ERICH6B: variants seen among roughly 807,000 people sequenced by gnomAD.
ERICH6B encodes the protein glutamate rich 6B.
In ERICH6B, 69 loss-of-function variants were observed where a neutral mutation model predicts 80.0. The ratio of observed to expected loss-of-function variants is 0.86; its 90% confidence interval spans 0.71 to 1.05. The LOEUF (loss-of-function observed/expected upper bound fraction) is 1.05, where lower values mean the gene tolerates loss of function less well. ERICH6B is among the 50% of genes least tolerant of loss of function. The pLI, the probability that ERICH6B is intolerant of heterozygous loss-of-function variation, is 0.00. For missense variants in ERICH6B, 754 were observed against 796.1 expected (o/e 0.95, Z 0.64); for synonymous variants, 283 against 291.9 (o/e 0.97, Z 0.31).
chr13:45,572,073 C>T (rs1307553690), intron 8 of ERICH6B, among the ~76,000 whole-genome samples: 1 of 152,242 alleles, frequency 6.6e-6, no homozygotes, highest in Admixed American at 6.5e-5. Context: ...CAAGAGCTTT[C>T]TCCCAGGAGA....
intron 7 of ERICH6B, among the ~76,000 whole-genome samples, chr13:45,577,274 A>ACCTTTTTTTTTTTT (rs1566295865): frequency 1.8e-5 from 2 of 110,790 alleles, no homozygotes; most frequent in African/African-American, 8.0e-5. Context: ...TTAAAAACAA[A>ACCTTTTTTTTTTTT]TCTTTTTTTT....
chr13:45,561,268 T>G, intron 11 of ERICH6B, 101 bp downstream of exon 11: 1 of 1,194,334 alleles, frequency 8.4e-7, no homozygotes, highest in Non-Finnish European at 1.1e-6. Context: ...GTTTACATTG[T>G]GTGTTGTTCC....
At chr13:45,559,247 A>C (rs1874566490) in intron 11 of ERICH6B, among the ~76,000 whole-genome samples, 1 of 152,046 alleles carries the variant, frequency 6.6e-6, no homozygotes, top group African/African-American at 2.4e-5. Flanking sequence ...GTCAGTTGTA[A>C]TATCTCCCGT....
chr13:45,587,243 G>A lies in ERICH6B; in HGVS notation c.687-11C>T. ...CCAGCGTCTGGACTCCTGTCAGAGGGGAGAACAGGAAGGTCAACTTCCAGA... is the reference window on the plus strand; with the variant it reads ...CCAGCGTCTGGACTCCTGTCAGAGGAGAGAACAGGAAGGTCAACTTCCAGA... On this transcript the variant is annotated splice_polypyrimidine_tract_variant and intron_variant, in intron 4 of 14. Coordinates refer to ENST00000298738, the MANE Select transcript of ERICH6B (RefSeq NM_182542.3). The A allele has an allele frequency of 6.4e-7, 1 of 1,551,334 alleles. No homozygotes were observed.
intron 2 of ERICH6B, among the ~76,000 whole-genome samples, chr13:45,600,787 G>A (rs1942895812): frequency 6.6e-6 from 1 of 152,154 alleles, no homozygotes; most frequent in African/African-American, 2.4e-5. Flanking sequence ...TTGCTATTGT[G>A]AATACTGCTA....
intron 9 of ERICH6B, among the ~76,000 whole-genome samples, chr13:45,564,316 G>A (rs564658648): frequency 2.0e-5 from 3 of 152,332 alleles, no homozygotes; most frequent in African/African-American, 7.2e-5. Context: ...AACACACAGA[G>A]TGAGTCATCC....
At chr13:45,543,014 A>C (rs1363835786) in intron 14 of ERICH6B, among the ~76,000 whole-genome samples, 1 of 152,004 alleles carries the variant, frequency 6.6e-6, no homozygotes, top group African/African-American at 2.4e-5. Flanking sequence ...TTATCAGCCC[A>C]CTTCTCCATC....
chr13:45,577,276 CTTTTTTTTTT>C (rs34244794), intron 7 of ERICH6B, among the ~76,000 whole-genome samples: 7 of 86,090 alleles, frequency 8.1e-5, no homozygotes, highest in Admixed American at 4.7e-4. Context: ...AAAAACAAAT[CTTTTTTTTTT>C]TTTTTTTTTT....
At chr13:45,562,290 A>G (rs966560670) in intron 10 of ERICH6B, among the ~76,000 whole-genome samples, 27 of 152,216 alleles carry the variant, frequency 1.8e-4, no homozygotes, top group Non-Finnish European at 7.3e-5. Flanking sequence ...ATCCCGTCTC[A>G]GCTGCCCAAA....
chr13:45,545,595 GTTTT>G (rs1196398008), intron 13 of ERICH6B, among the ~76,000 whole-genome samples: 3 of 152,218 alleles, frequency 2.0e-5, no homozygotes, highest in Non-Finnish European at 4.4e-5. Flanking sequence ...TTTTGTTTTT[GTTTT>G]TGTTTAATTT....
chr13:45,607,023 C>T (rs1377871736), intron 2 of ERICH6B, among the ~76,000 whole-genome samples: 1 of 151,546 alleles, frequency 6.6e-6, no homozygotes, highest in Non-Finnish European at 1.5e-5. Context: ...TTAGATATAT[C>T]AATTACATTG....
intron 4 of ERICH6B, among the ~76,000 whole-genome samples, chr13:45,588,089 G>A (rs1875994915): frequency 6.6e-6 from 1 of 152,228 alleles, no homozygotes; most frequent in Admixed American, 6.5e-5. Context: ...CTCTTGCAGA[G>A]GAAGTAAGTT....
rs771496949 is a variant in ERICH6B, at chr13:45,596,369, C to A, written c.637G>T (p.Glu213Ter). 16 of 1,547,716 alleles carry A rather than the reference C, an allele frequency of 1.0e-5. No individual in the cohort carries two copies. The South Asian group carries it at 1.3e-4, about 13-fold the overall frequency. The change falls in exon 3 of 15, where the codon GAA becomes TAA. Residue 213 changes from glutamate (E) to a stop codon, truncating the protein, a stop_gained and splice_region_variant. Transcript: ENST00000298738. LOFTEE classifies it high-confidence loss of function. ...KENLYKKYLKEPKASYSSQTM... is the reference protein window; with the variant it reads ...KENLYKKYLK Reference sequence around the variant, plus strand: ...TGCTCTCCCTCCTCCAGATACTCACCTTTCAGATACTTTTTATACAGATTT... The same window carrying A: ...TGCTCTCCCTCCTCCAGATACTCACATTTCAGATACTTTTTATACAGATTT...
intron 11 of ERICH6B, among the ~76,000 whole-genome samples, chr13:45,552,256 A>G (rs887909767): frequency 3.3e-5 from 5 of 152,134 alleles, no homozygotes; most frequent in Admixed American, 1.3e-4. Flanking sequence ...GATCAATTAT[A>G]ATAGATGTTT....
chr13:45,602,834 G>A (rs1445271061), intron 2 of ERICH6B, among the ~76,000 whole-genome samples: 1 of 152,046 alleles, frequency 6.6e-6, no homozygotes, highest in Non-Finnish European at 1.5e-5. Flanking sequence ...CACACATCTT[G>A]CCTGCATTAT....
intron 11 of ERICH6B, chr13:45,553,142 T>C: frequency 3.0e-6 from 1 of 335,324 alleles, no homozygotes; most frequent in Non-Finnish European, 5.9e-6. Flanking sequence ...GCCATATTCT[T>C]TTAGTATGTT....
chr13:45,610,509 T>G (rs1213165956), intron 1 of ERICH6B, among the ~76,000 whole-genome samples: 1 of 152,200 alleles, frequency 6.6e-6, no homozygotes, highest in Non-Finnish European at 1.5e-5. Flanking sequence ...CTTACTGCAG[T>G]GCCATGGTCT....
At chr13:45,595,853 C>A (rs1419863235) in intron 3 of ERICH6B, among the ~76,000 whole-genome samples, 1 of 152,012 alleles carries the variant, frequency 6.6e-6, no homozygotes, top group Non-Finnish European at 1.5e-5. Context: ...CTATGTTGCC[C>A]AGGCTGGTCT....
intron 11 of ERICH6B, chr13:45,552,738 C>T (rs1279110347): frequency 6.6e-6 from 1 of 152,600 alleles, no homozygotes; most frequent in Non-Finnish European, 1.5e-5. Flanking sequence ...GATTTTGTGT[C>T]TCCAGTAGTT....
Sources: allele counts gnomAD v4.1 joint callset (sites outside exome capture counted in the v4.1 genomes callset), GRCh38; gene constraint gnomAD v4.1.1; transcripts MANE v1.5; gene names NCBI Gene and HGNC (gene_info 2026-07-23, HGNC 2026-07-21).